The following ANKRD12 variants were observed in gnomAD, a reference collection of about 807,000 sequenced individuals.
ANKRD12 encodes ankyrin repeat domain 12, also known as ankyrin repeat domain-containing protein 12.
A neutral mutation model predicts 183.4 loss-of-function variants in ANKRD12; 85 were observed. That is an observed-to-expected ratio of 0.46 (90% CI 0.39 to 0.56). The LOEUF is 0.56. ANKRD12 is among the 20% of genes least tolerant of loss of function. The pLI is 0.00. For missense variants in ANKRD12, 2,405 were observed against 2,357.1 expected (o/e 1.02, Z -0.42); for synonymous variants, 914 against 800.2 (o/e 1.14, Z -2.40).
At position 9,256,298 on chromosome 18, in the gene ANKRD12, A is replaced by G. The variant is rs888988055; in HGVS notation, c.3031A>G (p.Thr1011Ala). Residue 1011 changes from threonine (T) to alanine (A), a missense_variant, in exon 9 of 13, where the codon ACT becomes GCT. Transcript: ENST00000262126. ...AAAAACAAAAGATGAACCTTTGAAA[A>G]CTCCAGATGGAAAAGAAAAAGATAA... ...KEKTKDEPLK[T>A]PDGKEKDKKD... is the part of the protein sequence containing the mutation. The G allele has an allele frequency of 6.2e-7, 1 of 1,601,036 alleles. No individual in the cohort carries two copies. Among genetic ancestry groups the G allele is most frequent in the Admixed American group, 1.8e-5 (1 of 57,126 alleles).
rs1490361271 is a variant in ANKRD12, at chr18:9,258,014, C to A, written c.4747C>A (p.Pro1583Thr). The change falls in exon 9 of 13, where the codon CCT (proline) becomes ACT (threonine). Residue 1583 changes from proline (P) to threonine (T), a missense_variant. By Grantham distance (38) the Pro-to-Thr change is conservative. Transcript: ENST00000262126. ...AAACTTTGAGAAAGCTTATACTTTACCTGTGTTACCATCAGAAAAGGACTT... is the reference window on the plus strand; with the variant it reads ...AAACTTTGAGAAAGCTTATACTTTAACTGTGTTACCATCAGAAAAGGACTT... ...SPNFEKAYTL[P>T]VLPSEKDFNG... The A allele has an allele frequency of 6.2e-7, 1 of 1,613,770 alleles. No homozygotes were observed. Among genetic ancestry groups the A allele is most frequent in the South Asian group, 1.1e-5 (1 of 91,052 alleles).
chr18:9,161,166 G>A (rs1568235579), intron 1 of ANKRD12, among the ~76,000 whole-genome samples: 1 of 151,936 alleles, frequency 6.6e-6, no homozygotes, highest in Non-Finnish European at 1.5e-5. Flanking sequence ...CCTTAGTTCA[G>A]TCAGAGGGAA....
chr18:9,243,930 G>A (rs2037802311), intron 8 of ANKRD12, among the ~76,000 whole-genome samples: 1 of 152,232 alleles, frequency 6.6e-6, no homozygotes, highest in Non-Finnish European at 1.5e-5. Flanking sequence ...GAGGTCAGGA[G>A]TTCAAGACCA....
intron 7 of ANKRD12, among the ~76,000 whole-genome samples, chr18:9,217,611 T>G (rs1043815994): frequency 6.6e-6 from 1 of 152,200 alleles, no homozygotes; most frequent in Admixed American, 6.5e-5. Context: ...AGAAGTCTTA[T>G]TTTGAATGAA....
chr18:9,266,791 T>C lies in ANKRD12; in HGVS notation c.5763+2903T>C, dbSNP rs547014864. ...ATATTAACCTTAAATGTAAATGGGC[T>C]AAATGCTCCAATTAAAAGACACAGA... On this transcript the variant is annotated intron_variant, in intron 10 of 12. Transcript: ENST00000262126. Among the ~76,000 whole-genome samples the C allele has an allele frequency of 7.9e-3, 1,198 of 152,268 alleles. 12 individuals are homozygous for C. The highest frequency in any genetic ancestry group is 0.027 in the African/African-American group (1,122 of 41,538).
At position 9,157,453 on chromosome 18, in the gene ANKRD12, C is replaced by T. The variant is rs141645892; in HGVS notation, c.-52+20488C>T. On this transcript the variant is annotated intron_variant, in intron 1 of 12. Transcript: ENST00000262126. ...TAGTGAGTACGTATGACTTTTGCAC[C>T]ATTTATAAAGTCCAAATATTGTAAG... is the stretch of plus-strand genomic sequence containing the variant. 3.4e-4 allele frequency among the ~76,000 whole-genome samples: 51 copies of T among 151,662 alleles called. 1 individual carries two copies. The highest frequency in any genetic ancestry group is 2.5e-4 in the Non-Finnish European group (17 of 67,958).
Position 9,258,639 on chromosome 18 carries a change from G to A in ANKRD12, c.5372G>A (p.Arg1791His), listed in dbSNP as rs1412905078. 6.8e-6 allele frequency: 11 copies of A among 1,613,796 alleles called. No homozygotes were observed. Among genetic ancestry groups the A allele is most frequent in the Non-Finnish European group, 7.6e-6 (9 of 1,179,884 alleles). The change falls in exon 9 of 13, where the codon CGT becomes CAT. Residue 1791 changes from arginine (R) to histidine (H), a missense_variant. By Grantham distance (29) the Arg-to-His change is conservative. Coordinates refer to ENST00000262126, the MANE Select transcript of ANKRD12 (RefSeq NM_015208.5). The part of the protein sequence containing the change: ...IHHPRKRKVS[R>H]VPQPVQVSPS... The stretch of plus-strand genomic sequence containing the variant: ...CATCCACGGAAAAGGAAAGTGTCAC[G>A]TGTACCTCAGCCTGTGCAAGTGAGT...
At chr18:9,195,433 T>TA in intron 2 of ANKRD12, 118 bp from the exon 3 acceptor site, 1 of 589,354 alleles carries the variant, frequency 1.7e-6, no homozygotes, top group Non-Finnish European at 2.6e-6. Context: ...GTACATTGAA[T>TA]ACAGTGATAG....
intron 8 of ANKRD12, among the ~76,000 whole-genome samples, chr18:9,227,567 G>T (rs1044452444): frequency 2.6e-5 from 4 of 152,176 alleles, no homozygotes; most frequent in Non-Finnish European, 5.9e-5. Flanking sequence ...GAGCAGTTTT[G>T]TATTGACCAA....
intron 1 of ANKRD12, among the ~76,000 whole-genome samples, chr18:9,164,385 G>A (rs1035042752): frequency 2.6e-5 from 4 of 152,008 alleles, no homozygotes; most frequent in Admixed American, 6.6e-5. Context: ...TGATTTTTTT[G>A]TGTGTCTGTC....
Position 9,254,979 on chromosome 18 carries a change from G to A in ANKRD12, c.1712G>A (p.Ser571Asn). The A allele has an allele frequency of 6.2e-7, 1 of 1,608,114 alleles. No individual in the cohort carries two copies. Among genetic ancestry groups the A allele is most frequent in the Non-Finnish European group, 8.5e-7 (1 of 1,177,910 alleles). ...ACTAAAACATGTTTATCACCAGGAA[G>A]TTCTGAAATGTCATTACAGCCTGAT... ...EHTKTCLSPG[S>N]SEMSLQPDLV... Residue 571 changes from serine to asparagine, a missense_variant, in exon 9 of 13, where the codon AGT becomes AAT. Around this residue, in one of 7 missense-constraint regions of ANKRD12, gnomAD observed 1,983 missense variants for 1,725.9 expected, o/e 1.15. Transcript: ENST00000262126.
intron 10 of ANKRD12, 40 bp downstream of exon 10, chr18:9,263,928 T>C: frequency 7.7e-7 from 1 of 1,306,352 alleles, no homozygotes; most frequent in Non-Finnish European, 1.0e-6. Context: ...TAAAAATAAC[T>C]GGTTTCTAGC....
At chr18:9,167,252 A>G (rs920491139) in intron 1 of ANKRD12, among the ~76,000 whole-genome samples, 5 of 152,148 alleles carry the variant, frequency 3.3e-5, no homozygotes, top group Admixed American at 6.6e-5. Context: ...AATTCTGTGA[A>G]GAAAGTCATT....
At chr18:9,184,353 G>C (rs1276064245) in intron 2 of ANKRD12, among the ~76,000 whole-genome samples, 1 of 151,988 alleles carries the variant, frequency 6.6e-6, no homozygotes, top group Non-Finnish European at 1.5e-5. Context: ...GTTTCTGTCA[G>C]TCTTTTTTTG....
At chr18:9,154,380 C>G (rs1257685066) in intron 1 of ANKRD12, among the ~76,000 whole-genome samples, 1 of 152,134 alleles carries the variant, frequency 6.6e-6, no homozygotes, top group Non-Finnish European at 1.5e-5. Context: ...CCACTGCACT[C>G]CAGTCTGAGC....
intron 12 of ANKRD12, 60 bp downstream of exon 12, chr18:9,279,704 ACT>A (rs1353333512): frequency 8.4e-6 from 8 of 956,078 alleles, no homozygotes; most frequent in African/African-American, 8.4e-5. Context: ...AAAAAAAAAA[ACT>A]CTACAGCTGT....
chr18:9,280,342 C>G (rs1428558760), intron 12 of ANKRD12, among the ~76,000 whole-genome samples: 1 of 152,194 alleles, frequency 6.6e-6, no homozygotes, highest in African/African-American at 2.4e-5. Flanking sequence ...TGCTTGCCGC[C>G]ACTCACCTCC....
intron 1 of ANKRD12, among the ~76,000 whole-genome samples, chr18:9,144,379 A>G (rs1031670264): frequency 2.0e-5 from 3 of 152,168 alleles, no homozygotes; most frequent in Non-Finnish European, 1.5e-5. Flanking sequence ...ACCCCAGAAG[A>G]ATAGGCTCTG....
chr18:9,240,548 TTTTGTTAACAAC>T (rs2144990609), intron 8 of ANKRD12, among the ~76,000 whole-genome samples: 1 of 152,156 alleles, frequency 6.6e-6, no homozygotes, highest in African/African-American at 2.4e-5. Context: ...AAAGTAGAGG[TTTTGTTAACAAC>T]TTTGCCAGAC....
Sources: allele counts gnomAD v4.1 joint callset (sites outside exome capture counted in the v4.1 genomes callset), GRCh38; gene constraint gnomAD v4.1.1; regional missense constraint gnomAD v4.1.1; transcripts MANE v1.5; gene names NCBI Gene and HGNC (gene_info 2026-07-23, HGNC 2026-07-21).